TNPO3: variants seen among roughly 807,000 people sequenced by gnomAD.
TNPO3 encodes transportin-3.
TNPO3 carries 65 observed loss-of-function variants against 122.8 expected under a neutral mutation model. That is an observed-to-expected ratio of 0.53 (90% confidence interval 0.43 to 0.65). TNPO3 has a LOEUF of 0.65. TNPO3 is among the 30% of genes least tolerant of loss of function. The pLI is 0.00. For missense variants in TNPO3, 850 were observed against 1,136.7 expected, an observed-to-expected ratio of 0.75 and a Z score of 3.63; for synonymous variants, 372 against 411.2, an observed-to-expected ratio of 0.90 and a Z score of 1.15.
intron 1 of TNPO3, among the ~76,000 whole-genome samples, chr7:129,044,758 C>G (rs1388350416): frequency 6.6e-6 from 1 of 152,122 alleles, no homozygotes; most frequent in Non-Finnish European, 1.5e-5. Context: ...TTAAGTTTAA[C>G]AGAGCTTAAA....
intron 21 of TNPO3, among the ~76,000 whole-genome samples, chr7:128,961,353 T>C (rs1475247433): frequency 1.3e-5 from 2 of 152,204 alleles, no homozygotes; most frequent in Admixed American, 6.5e-5. Flanking sequence ...TGTGTTACAA[T>C]TGCCTACAGT....
chr7:128,955,564 G>C (rs909480898), intron 22 of TNPO3, among the ~76,000 whole-genome samples, 179 bp from the exon 23 acceptor site: 2 of 152,162 alleles, frequency 1.3e-5, no homozygotes, highest in East Asian at 1.9e-4. Flanking sequence ...GTGGGTTCAA[G>C]GGAGCTACTG....
intron 6 of TNPO3, 47 bp downstream of exon 6, chr7:129,001,012 C>A: frequency 6.3e-7 from 1 of 1,588,086 alleles, no homozygotes; most frequent in East Asian, 2.2e-5. Context: ...AAAAGAATGA[C>A]CAGACTGTAG....
At chr7:128,992,985 A>C (rs1161599788) in intron 9 of TNPO3, among the ~76,000 whole-genome samples, 1 of 130,976 alleles carries the variant, frequency 7.6e-6, no homozygotes, top group African/African-American at 2.5e-5. Context: ...AGATCCAGGG[A>C]TCTCATTTAA....
chr7:128,976,816 G>A (rs1272249848), intron 16 of TNPO3, among the ~76,000 whole-genome samples: 2 of 152,142 alleles, frequency 1.3e-5, no homozygotes, highest in East Asian at 1.9e-4. Flanking sequence ...TAATTCTTCT[G>A]TTGGCATATG....
chr7:129,015,750 A>G (rs1489942365), intron 3 of TNPO3, among the ~76,000 whole-genome samples: 2 of 152,020 alleles, frequency 1.3e-5, no homozygotes, highest in African/African-American at 2.4e-5. Flanking sequence ...GAAGGATCTC[A>G]TGAGCCCAAG....
chr7:129,026,040 T>G (rs2150472821), intron 1 of TNPO3, among the ~76,000 whole-genome samples: 1 of 150,864 alleles, frequency 6.6e-6, no homozygotes, highest in Non-Finnish European at 1.5e-5. Flanking sequence ...GCAGGAGAAT[T>G]GCTTGAACCT....
intron 1 of TNPO3, among the ~76,000 whole-genome samples, chr7:129,023,472 T>C (rs879846222): frequency 3.3e-5 from 5 of 152,168 alleles, no homozygotes; most frequent in East Asian, 1.9e-4. Context: ...AGTGCCTACA[T>C]TGTAGTCTTT....
chr7:129,027,578 AAAAAAAAAAAAAAC>A lies in TNPO3; in HGVS notation c.121-9435_121-9422del, dbSNP rs1420406120. ...TGTCTCAAAAAAAAAAAAAAAAAAA[AAAAAAAAAAAAAAC>A]AACACAAAAAATTCACTAAATACTC... On this transcript the variant is annotated intron_variant, in intron 1 of 22. Transcript: ENST00000265388. Among the ~76,000 whole-genome samples, 220 of 138,634 alleles carry A rather than the reference AAAAAAAAAAAAAAC, an allele frequency of 1.6e-3. 4 individuals are homozygous for A. Among genetic ancestry groups the A allele is most frequent in the African/African-American group, 5.4e-3 (211 of 38,744 alleles). 90.9% of individuals were successfully genotyped at this position (138,634 alleles called of 152,430 possible).
chr7:129,027,978 T>C (rs1014730052), intron 1 of TNPO3, among the ~76,000 whole-genome samples: 2 of 152,120 alleles, frequency 1.3e-5, no homozygotes, highest in South Asian at 2.1e-4. Context: ...TGAAATCATA[T>C]AAAACATCTT....
At position 128,982,296 on chromosome 7, in the gene TNPO3, A is replaced by G. The variant is rs936502685; in HGVS notation, c.1811T>C (p.Ile604Thr). The change falls in exon 14 of 23, where the codon ATA (isoleucine) becomes ACA (threonine). Residue 604 changes from isoleucine (I) to threonine (T), a missense_variant. Ile to Thr is a moderately conservative substitution (Grantham distance 89, BLOSUM62 -1). Coordinates refer to ENST00000265388, the MANE Select transcript of TNPO3 (RefSeq NM_012470.4). ...TAAGAACACTGTGGGATCTGAGGAT[A>G]TGCCATTGCTGGGCTCTTGAGACAA... is the stretch of plus-strand genomic sequence containing the variant. ...KLLSQEPSNG[I>T]SSDPTVFLDR... 6.2e-7 allele frequency: 1 copy of G among 1,613,418 alleles called. No individual in the cohort carries two copies. Among genetic ancestry groups the G allele is most frequent in the African/African-American group, 1.3e-5 (1 of 75,032 alleles).
chr7:128,964,587 G>A (rs893272182), intron 21 of TNPO3, among the ~76,000 whole-genome samples: 4 of 151,998 alleles, frequency 2.6e-5, no homozygotes, highest in South Asian at 4.2e-4. Context: ...TGCCTGCCTC[G>A]GCCTCCCAAA....
At chr7:128,996,027 G>A (rs1355621959) in intron 8 of TNPO3, among the ~76,000 whole-genome samples, 1 of 152,196 alleles carries the variant, frequency 6.6e-6, no homozygotes, top group Non-Finnish European at 1.5e-5. Flanking sequence ...AATAGCGGGG[G>A]TGGGTGCAGT....
chr7:129,021,354 CAA>C (rs577989041), intron 1 of TNPO3, among the ~76,000 whole-genome samples: 14 of 66,636 alleles, frequency 2.1e-4, no homozygotes, highest in Non-Finnish European at 1.5e-4. Context: ...GACTCCGTCT[CAA>C]AAAAAAAAAA....
intron 18 of TNPO3, 89 bp downstream of exon 18, chr7:128,974,779 T>G: frequency 8.9e-7 from 1 of 1,120,088 alleles, no homozygotes; most frequent in South Asian, 1.3e-5. Context: ...GACTTCATTT[T>G]ACAAGAATAA....
chr7:129,037,379 T>C (rs1373662112), intron 1 of TNPO3, among the ~76,000 whole-genome samples: 2 of 152,204 alleles, frequency 1.3e-5, no homozygotes, highest in Non-Finnish European at 2.9e-5. Context: ...AGGCAAGCAC[T>C]GGCTCATCTA....
chr7:129,036,084 G>C (rs1806632265), intron 1 of TNPO3, among the ~76,000 whole-genome samples: 1 of 151,588 alleles, frequency 6.6e-6, no homozygotes, highest in Non-Finnish European at 1.5e-5. Flanking sequence ...CTCCCGAGTA[G>C]CTGGGACTCC....
chr7:128,984,030 T>A, intron 13 of TNPO3, 138 bp downstream of exon 13: 1 of 519,296 alleles, frequency 1.9e-6, no homozygotes, highest in Non-Finnish European at 3.4e-6. Flanking sequence ...TTTGATTACA[T>A]TAATTTTAAT....
chr7:129,031,382 A>G (rs1055351268), intron 1 of TNPO3, among the ~76,000 whole-genome samples: 19 of 152,340 alleles, frequency 1.2e-4, no homozygotes, highest in African/African-American at 4.3e-4. Context: ...TACCAATTTT[A>G]CAGAAATAAA....
Sources: allele counts gnomAD v4.1 joint callset (sites outside exome capture counted in the v4.1 genomes callset), GRCh38; gene constraint gnomAD v4.1.1; transcripts MANE v1.5; gene names NCBI Gene and HGNC (gene_info 2026-07-23, HGNC 2026-07-21).